LIN7A: variants seen among roughly 807,000 people sequenced by gnomAD.
LIN7A encodes the protein protein lin-7 homolog A.
In LIN7A, 25 loss-of-function variants were observed where a neutral mutation model predicts 29.8. The observed-to-expected ratio is 0.84, with a 90% CI of 0.61 to 1.17. The LOEUF is 1.17. Ranked by LOEUF, LIN7A falls within the 50% of genes most tolerant of loss-of-function variation. The pLI, the probability that LIN7A is intolerant of heterozygous loss-of-function variation, is 0.00. For synonymous variants in LIN7A, 118 were observed against 107.5 expected, an observed-to-expected ratio of 1.10 and a Z score of -0.60; for missense variants, 239 against 287.0, an observed-to-expected ratio of 0.83 and a Z score of 1.21.
intron 2 of LIN7A, among the ~76,000 whole-genome samples, chr12:80,851,943 A>C (rs1485323242): frequency 6.6e-6 from 1 of 152,176 alleles, no homozygotes; most frequent in Non-Finnish European, 1.5e-5. Context: ...AAATTGAAAA[A>C]GATTAACTTA....
chr12:80,885,778 G>C (rs1223422292), intron 2 of LIN7A, among the ~76,000 whole-genome samples: 1 of 151,998 alleles, frequency 6.6e-6, no homozygotes, highest in Non-Finnish European at 1.5e-5. Flanking sequence ...TCTATTTCTA[G>C]TTAAAAAAAT....
chr12:80,876,084 G>A (rs11831755), intron 2 of LIN7A, among the ~76,000 whole-genome samples: 30,326 of 148,328 alleles, frequency 0.2, 4,129 homozygotes, highest in East Asian at 0.39. Context: ...CACACACAGA[G>A]AGAGAGAAAG....
At chr12:80,855,759 C>T (rs920001690) in intron 2 of LIN7A, among the ~76,000 whole-genome samples, 1 of 152,072 alleles carries the variant, frequency 6.6e-6, no homozygotes, top group Non-Finnish European at 1.5e-5. Context: ...ACATACTGTA[C>T]TTGATATGAC....
intron 2 of LIN7A, among the ~76,000 whole-genome samples, chr12:80,889,027 T>C (rs1875484670): frequency 6.6e-6 from 1 of 152,112 alleles, no homozygotes; most frequent in South Asian, 2.1e-4. Flanking sequence ...AGTCCCTTCA[T>C]TGGTACCAGA....
chr12:80,856,632 T>C (rs1015722404), intron 2 of LIN7A, among the ~76,000 whole-genome samples: 1 of 152,222 alleles, frequency 6.6e-6, no homozygotes, highest in Admixed American at 6.5e-5. Context: ...TTTTAAACCA[T>C]GCTGATGCAG....
chr12:80,837,229 G>A (rs1199078185), intron 4 of LIN7A, among the ~76,000 whole-genome samples: 2 of 152,114 alleles, frequency 1.3e-5, no homozygotes, highest in African/African-American at 2.4e-5. Flanking sequence ...ACACATTGTA[G>A]AGGACTGGAT....
At chr12:80,881,590 T>G (rs765736782) in intron 2 of LIN7A, among the ~76,000 whole-genome samples, 33 of 151,560 alleles carry the variant, frequency 2.2e-4, no homozygotes, top group Non-Finnish European at 4.3e-4. Flanking sequence ...CATGAACAAT[T>G]TTTTGCACAA....
intron 5 of LIN7A, among the ~76,000 whole-genome samples, chr12:80,800,835 C>T (rs1175956833): frequency 6.6e-6 from 1 of 151,672 alleles, no homozygotes; most frequent in Non-Finnish European, 1.5e-5. Context: ...CTCTCAAGAA[C>T]ATAAATTTAA....
intron 2 of LIN7A, among the ~76,000 whole-genome samples, chr12:80,875,630 A>G (rs1322636121): frequency 6.6e-6 from 1 of 152,212 alleles, no homozygotes. Context: ...TCAGAGTCCC[A>G]TTTGATAATA....
intron 2 of LIN7A, among the ~76,000 whole-genome samples, chr12:80,876,833 T>C (rs1874728178): frequency 6.6e-6 from 1 of 152,080 alleles, no homozygotes; most frequent in African/African-American, 2.4e-5. Flanking sequence ...TAAAGTTGAA[T>C]ATTCTTGGCC....
At chr12:80,932,318 A>G (rs1222869503) in intron 1 of LIN7A, among the ~76,000 whole-genome samples, 1 of 152,246 alleles carries the variant, frequency 6.6e-6, no homozygotes, top group Non-Finnish European at 1.5e-5. Context: ...TCTTGGTTTT[A>G]TAGCAGATTT....
At chr12:80,807,078 T>TTTTTTTTTGTTTG (rs1565883850) in intron 5 of LIN7A, among the ~76,000 whole-genome samples, 3 of 115,112 alleles carry the variant, frequency 2.6e-5, no homozygotes, top group African/African-American at 4.1e-5. Flanking sequence ...TTTTTTTTTT[T>TTTTTTTTTGTTTG]TTTTTTTTTT....
At chr12:80,881,233 G>T (rs559249208) in intron 2 of LIN7A, among the ~76,000 whole-genome samples, 2 of 152,042 alleles carry the variant, frequency 1.3e-5, no homozygotes, top group Non-Finnish European at 2.9e-5. Context: ...TCCTATCATT[G>T]GCAGGAAACT....
chr12:80,885,839 A>G (rs1403621324), intron 2 of LIN7A, among the ~76,000 whole-genome samples: 1 of 152,084 alleles, frequency 6.6e-6, no homozygotes, highest in Non-Finnish European at 1.5e-5. Flanking sequence ...ATATGCCAGG[A>G]GCTGATTCAG....
chr12:80,855,693 T>C (rs1369034321), intron 2 of LIN7A, among the ~76,000 whole-genome samples: 1 of 152,180 alleles, frequency 6.6e-6, no homozygotes, highest in Non-Finnish European at 1.5e-5. Context: ...TAAGTTTAAT[T>C]GCATTCAGTG....
chr12:80,810,385 G>A (rs1871228059), intron 5 of LIN7A, among the ~76,000 whole-genome samples: 1 of 137,330 alleles, frequency 7.3e-6, no homozygotes, highest in African/African-American at 2.8e-5. Context: ...ATATTAAATG[G>A]TATACATCTG....
intron 2 of LIN7A, among the ~76,000 whole-genome samples, chr12:80,850,012 G>T (rs1873253925): frequency 6.6e-6 from 1 of 152,094 alleles, no homozygotes; most frequent in Admixed American, 6.6e-5. Flanking sequence ...CAAATAATTG[G>T]AATATTGTCA....
chr12:80,878,188 G>T (rs1192651010), intron 2 of LIN7A, among the ~76,000 whole-genome samples: 1 of 152,154 alleles, frequency 6.6e-6, no homozygotes, highest in Non-Finnish European at 1.5e-5. Flanking sequence ...TAAGATCACT[G>T]ACCCATTAGT....
chr12:80,804,853 A>G (rs546449230), intron 5 of LIN7A, among the ~76,000 whole-genome samples: 2 of 152,166 alleles, frequency 1.3e-5, no homozygotes, highest in Admixed American at 6.5e-5. Flanking sequence ...CGTGCCTGGC[A>G]TGAATCTCAT....
Sources: allele counts gnomAD v4.1 joint callset (sites outside exome capture counted in the v4.1 genomes callset), GRCh38; gene constraint gnomAD v4.1.1; transcripts MANE v1.5; gene names NCBI Gene and HGNC (gene_info 2026-07-23, HGNC 2026-07-21).